MDN1: variants seen among roughly 807,000 people sequenced by gnomAD.
MDN1 encodes midasin.
A neutral mutation model predicts 669.2 loss-of-function variants in MDN1; 266 were observed. The ratio of observed to expected loss-of-function variants is 0.40; its 90% CI spans 0.36 to 0.44. The LOEUF (loss-of-function observed/expected upper bound fraction) is 0.44. Among genes scored for constraint, MDN1 ranks in the 20% least tolerant of loss-of-function variants. The probability of loss-of-function intolerance (pLI) is 1.00; values close to 1 mark genes in which losing one functional copy is unlikely to be tolerated. For missense variants in MDN1, 5,940 were observed against 6,754.0 expected (o/e 0.88, Z 4.22); for synonymous variants, 2,385 against 2,457.1 (o/e 0.97, Z 0.87).
At chr6:89,717,051 T>C (rs1330178518) in intron 43 of MDN1, among the ~76,000 whole-genome samples, 1 of 152,196 alleles carries the variant, frequency 6.6e-6, no homozygotes, top group East Asian at 1.9e-4. Flanking sequence ...GTGATAGAGG[T>C]GGCAAATGAT....
intron 2 of MDN1, chr6:89,797,544 A>T: frequency 3.2e-6 from 1 of 312,010 alleles, no homozygotes; most frequent in East Asian, 1.0e-4. Context: ...TGGTGGAGGC[A>T]GGGGAGCCCA....
intron 8 of MDN1, 53 bp from the exon 9 acceptor site, chr6:89,785,179 G>GAGGCACAATTCAGGATTAA: frequency 1.7e-6 from 2 of 1,206,930 alleles, no homozygotes; most frequent in Non-Finnish European, 2.5e-6. Flanking sequence ...TTTTAATCCT[G>GAGGCACAATTCAGGATTAA]AATTGTGCCT....
intron 26 of MDN1, 77 bp downstream of exon 26, chr6:89,749,146 T>C: frequency 7.4e-7 from 1 of 1,356,154 alleles, no homozygotes. Flanking sequence ...AACAGACAGA[T>C]TCTTTTTTCT....
At chr6:89,729,260 G>C in intron 35 of MDN1, 121 bp from the exon 36 acceptor site, 1 of 742,828 alleles carries the variant, frequency 1.3e-6, no homozygotes, top group Non-Finnish European at 2.2e-6. Flanking sequence ...ACCATTTGCA[G>C]TGAAAATGTT....
At chr6:89,753,430 G>GAA (rs34799081) in intron 22 of MDN1, 82 bp downstream of exon 22, 248 of 889,962 alleles carry the variant, frequency 2.8e-4, no homozygotes, top group South Asian at 3.8e-4. Context: ...AAAGTTATGT[G>GAA]AAAAAAAAAA....
intron 31 of MDN1, among the ~76,000 whole-genome samples, chr6:89,740,676 CT>C (rs1816245893): frequency 6.6e-6 from 1 of 152,096 alleles, no homozygotes; most frequent in Admixed American, 6.5e-5. Flanking sequence ...TAATAGCCAA[CT>C]ACTAGAAAGA....
chr6:89,719,434 A>G (rs1814661185), intron 40 of MDN1, among the ~76,000 whole-genome samples: 1 of 152,250 alleles, frequency 6.6e-6, no homozygotes, highest in Non-Finnish European at 1.5e-5. Context: ...TTGAGAACAT[A>G]GCAGTCATAT....
chr6:89,727,965 G>A lies in MDN1; in HGVS notation c.5350-10C>T. The A allele has an allele frequency of 1.9e-6, 3 of 1,595,724 alleles. No homozygotes were observed. Among genetic ancestry groups the A allele is most frequent in the South Asian group, 2.3e-5 (2 of 88,518 alleles). On this transcript the variant is annotated splice_polypyrimidine_tract_variant and intron_variant, in intron 36 of 101. Coordinates refer to ENST00000369393, the MANE Select transcript of MDN1 (RefSeq NM_014611.3). ...ACAGGTCTGTGATGTCCTTTGAAAGGGGAAGAAATGGAAAGAAGCCATTAT... is the reference window on the plus strand; with the variant it reads ...ACAGGTCTGTGATGTCCTTTGAAAGAGGAAGAAATGGAAAGAAGCCATTAT...
intron 11 of MDN1, among the ~76,000 whole-genome samples, chr6:89,777,132 T>C (rs1584355077): frequency 6.6e-6 from 1 of 152,312 alleles, no homozygotes; most frequent in African/African-American, 2.4e-5. Context: ...TACTCAATCT[T>C]AGCAACTACC....
chr6:89,764,777 CAG>C (rs1483544593), intron 15 of MDN1, among the ~76,000 whole-genome samples: 3 of 152,148 alleles, frequency 2.0e-5, no homozygotes, highest in African/African-American at 7.2e-5. Context: ...CTCAGCAACA[CAG>C]GGGAAGGTGA....
chr6:89,697,322 T>C (rs997214799), intron 59 of MDN1, among the ~76,000 whole-genome samples: 8 of 152,002 alleles, frequency 5.3e-5, no homozygotes, highest in Admixed American at 5.2e-4. Flanking sequence ...AAAATAAAAA[T>C]ATAGGAGAAA....
intron 3 of MDN1, 70 bp downstream of exon 3, chr6:89,794,507 A>G: frequency 7.0e-7 from 1 of 1,430,680 alleles, no homozygotes; most frequent in East Asian, 2.3e-5. Flanking sequence ...CCCTCCTGAC[A>G]CACACAACTC....
chr6:89,661,962 T>C, intron 87 of MDN1, 125 bp downstream of exon 87: 1 of 1,102,210 alleles, frequency 9.1e-7, no homozygotes, highest in South Asian at 1.6e-5. Context: ...CATATTCTTT[T>C]ATGAGGTAAT....
Position 89,695,929 on chromosome 6 carries a change from C to A in MDN1, c.9447G>T (p.Leu3149=), listed in dbSNP as rs1812708020. ...ACTCCTGCCGCCGGGACTCTGGGAG[C>A]AGCTCTGCTAGGCCTGCCAGGTGCC... is the stretch of plus-strand genomic sequence containing the variant. ...LFRHLAGLAE[L]LPESRRQEYM... Residue 3149 remains leucine, a synonymous_variant, in exon 61 of 102, where the codon CTG becomes CTT. Transcript: ENST00000369393. This position sits in a 1 kb window ranked among gnomAD's most constrained non-coding sequence, Gnocchi z 4.1. 2 of 1,612,598 alleles carry A rather than the reference C, an allele frequency of 1.2e-6. No individual in the cohort carries two copies. Among genetic ancestry groups the A allele is most frequent in the Admixed American group, 3.3e-5 (2 of 60,008 alleles).
rs773463765 is a variant in MDN1, at chr6:89,723,573, C to G, written c.5717G>C (p.Ser1906Thr). 6.2e-7 allele frequency: 1 copy of G among 1,603,942 alleles called. No homozygotes were observed. The highest frequency in any genetic ancestry group is 2.2e-5 in the East Asian group (1 of 44,662). The change falls in exon 39 of 102, where the codon AGT becomes ACT. Residue 1906 changes from serine (S) to threonine (T), a missense_variant. By Grantham distance (58) the Ser-to-Thr change is moderately conservative (BLOSUM62 1). Around this residue, in one of 5 missense-constraint regions of MDN1, gnomAD observed 2,292 missense variants for 2,638.3 expected, o/e 0.87. Transcript: ENST00000369393. ...LTVIDMEFIA[S>T]TLFPAIEKNI... ...TTTCTCAATGGCTGGAAACAAAGTACTGGCAATGAACTCCATGTCAATTAC... is the reference window on the plus strand; with the variant it reads ...TTTCTCAATGGCTGGAAACAAAGTAGTGGCAATGAACTCCATGTCAATTAC...
intron 15 of MDN1, among the ~76,000 whole-genome samples, chr6:89,767,228 A>G (rs1409761994): frequency 6.6e-6 from 1 of 152,204 alleles, no homozygotes; most frequent in East Asian, 1.9e-4. Context: ...TGCTTACCAG[A>G]AGCCCATGTT....
intron 91 of MDN1, 69 bp downstream of exon 91, chr6:89,656,630 AG>A: frequency 9.3e-7 from 1 of 1,076,534 alleles, no homozygotes; most frequent in Non-Finnish European, 1.3e-6. Flanking sequence ...TTTTTTTTAA[AG>A]CACTACGTTT....
chr6:89,678,344 T>A (rs1811372991), intron 75 of MDN1, among the ~76,000 whole-genome samples: 1 of 151,594 alleles, frequency 6.6e-6, no homozygotes, highest in African/African-American at 2.4e-5. Flanking sequence ...AAAATAAAAT[T>A]AATTAAATAA....
intron 8 of MDN1, 62 bp from the exon 9 acceptor site, chr6:89,785,188 C>T (rs1818893874): frequency 1.8e-6 from 2 of 1,101,512 alleles, no homozygotes; most frequent in Non-Finnish European, 2.8e-6. Flanking sequence ...TGAATTGTGC[C>T]TCTGGATATT....
Sources: gnomAD v4.1 joint callset for allele counts (sites outside exome capture counted in the v4.1 genomes callset) on GRCh38, gnomAD v4.1.1 for gene constraint, gnomAD v4.1.1 regional missense constraint, Gnocchi (gnomAD v3.1) non-coding constraint, MANE v1.5 for transcripts, NCBI Gene and HGNC (gene_info 2026-07-23, HGNC 2026-07-21) for gene names.